Variants in FSTL5 observed in about 807,000 individuals in gnomAD.
FSTL5 encodes the protein follistatin-related protein 5.
In FSTL5, 62 loss-of-function variants were observed where a neutral mutation model predicts 89.1. That is an observed-to-expected ratio of 0.70 (90% CI 0.57 to 0.86). The LOEUF (loss-of-function observed/expected upper bound fraction) is 0.86. FSTL5 is among the 40% of genes least tolerant of loss of function. The pLI is 0.00. For synonymous variants in FSTL5, 383 were observed against 346.2 expected, an observed-to-expected ratio of 1.11 and a Z score of -1.18; for missense variants, 1,057 against 1,001.6, an observed-to-expected ratio of 1.06 and a Z score of -0.75.
intron 4 of FSTL5, among the ~76,000 whole-genome samples, chr4:161,784,761 G>A (rs1160089691): frequency 5.9e-5 from 9 of 151,644 alleles, no homozygotes; most frequent in African/African-American, 2.2e-4. Flanking sequence ...GGACGTGGTG[G>A]CGGGCGCCTG....
chr4:162,080,568 A>G (rs939450654), intron 2 of FSTL5, among the ~76,000 whole-genome samples: 6 of 151,814 alleles, frequency 4.0e-5, no homozygotes, highest in Middle Eastern at 3.4e-3. Context: ...ATTTATACAT[A>G]TACCATAGAT....
At chr4:161,929,681 G>GTGTGTGTGTGTGTGTGTGTGTGTATA (rs1553983439) in intron 3 of FSTL5, among the ~76,000 whole-genome samples, 20 of 115,524 alleles carry the variant, frequency 1.7e-4, no homozygotes, top group African/African-American at 6.5e-4. Flanking sequence ...GTGTGTGTGT[G>GTGTGTGTGTGTGTGTGTGTGTGTATA]TGTGTGTGTG....
At chr4:162,023,849 G>A (rs540142442) in intron 3 of FSTL5, among the ~76,000 whole-genome samples, 1 of 152,156 alleles carries the variant, frequency 6.6e-6, no homozygotes, top group African/African-American at 2.4e-5. Context: ...CTGGCCTCTG[G>A]CTTCAGAGCC....
At chr4:161,669,582 A>T (rs1235727264) in intron 6 of FSTL5, among the ~76,000 whole-genome samples, 1 of 152,108 alleles carries the variant, frequency 6.6e-6, no homozygotes, top group East Asian at 1.9e-4. Context: ...ACAAATGGAC[A>T]TTCACATTTA....
intron 4 of FSTL5, among the ~76,000 whole-genome samples, chr4:161,881,655 CAAG>C (rs955832260): frequency 5.9e-5 from 9 of 152,064 alleles, no homozygotes; most frequent in African/African-American, 2.2e-4. Flanking sequence ...CTACTAATAA[CAAG>C]AAGGACTTAG....
intron 13 of FSTL5, among the ~76,000 whole-genome samples, chr4:161,479,913 T>A (rs1175330310): frequency 6.6e-6 from 1 of 152,164 alleles, no homozygotes; most frequent in African/African-American, 2.4e-5. Context: ...AAGTACAGAA[T>A]ATATGGATGA....
chr4:161,531,110 T>C (rs1731397841), intron 10 of FSTL5, among the ~76,000 whole-genome samples: 1 of 152,212 alleles, frequency 6.6e-6, no homozygotes, highest in South Asian at 2.1e-4. Flanking sequence ...ATCTCTAATG[T>C]AACTGTAGAG....
chr4:162,095,393 A>T (rs2111368327), intron 2 of FSTL5, among the ~76,000 whole-genome samples: 1 of 152,236 alleles, frequency 6.6e-6, no homozygotes, highest in African/African-American at 2.4e-5. Flanking sequence ...TGCATTGTGG[A>T]TTTCCACAGA....
chr4:161,992,930 G>GTA (rs1553989543), intron 3 of FSTL5, among the ~76,000 whole-genome samples: 3 of 8,034 alleles, frequency 3.7e-4, no homozygotes, highest in Non-Finnish European at 7.9e-4. Flanking sequence ...ATATATGTGT[G>GTA]TATATATATA....
chr4:162,065,698 C>A (rs916166151), intron 2 of FSTL5, among the ~76,000 whole-genome samples: 7 of 151,834 alleles, frequency 4.6e-5, no homozygotes, highest in African/African-American at 9.7e-5. Flanking sequence ...AATCCAGCAA[C>A]TCTACTTCTC....
At chr4:161,627,418 C>T (rs992739262) in intron 7 of FSTL5, among the ~76,000 whole-genome samples, 1 of 152,114 alleles carries the variant, frequency 6.6e-6, no homozygotes, top group Non-Finnish European at 1.5e-5. Context: ...ACTTAATACA[C>T]TTAATAGAAT....
chr4:161,682,575 G>C (rs548406814), intron 6 of FSTL5, among the ~76,000 whole-genome samples: 1 of 149,958 alleles, frequency 6.7e-6, no homozygotes, highest in African/African-American at 2.5e-5. Flanking sequence ...CATTAGCCTT[G>C]GTCTACATAG....
chr4:161,699,222 C>T (rs1330298450), intron 6 of FSTL5, among the ~76,000 whole-genome samples: 2 of 151,966 alleles, frequency 1.3e-5, no homozygotes, highest in East Asian at 1.9e-4. Flanking sequence ...TCATAAAAAC[C>T]AAAAGTGTTA....
At chr4:161,978,290 T>A (rs1735721200) in intron 3 of FSTL5, among the ~76,000 whole-genome samples, 1 of 152,176 alleles carries the variant, frequency 6.6e-6, no homozygotes, top group Admixed American at 6.5e-5. Context: ...TATAAGGTAT[T>A]GATGTTTTCT....
chr4:162,069,523 T>C (rs1435324703), intron 2 of FSTL5, among the ~76,000 whole-genome samples: 1 of 151,908 alleles, frequency 6.6e-6, no homozygotes, highest in Non-Finnish European at 1.5e-5. Context: ...GTTTGTTAAC[T>C]AAACTCTCCT....
chr4:161,751,104 A>G (rs547282031), intron 6 of FSTL5, among the ~76,000 whole-genome samples: 5 of 152,264 alleles, frequency 3.3e-5, no homozygotes, highest in African/African-American at 9.6e-5. Context: ...GCCAGATACT[A>G]TAGGTGAAAA....
chr4:161,587,296 GT>G (rs373497576), intron 8 of FSTL5, among the ~76,000 whole-genome samples, 158 bp downstream of exon 8: 1,621 of 142,098 alleles, frequency 0.011, 24 homozygotes, highest in South Asian at 0.041. Context: ...GAAATTTTGT[GT>G]TTTTTTTTTT....
chr4:162,012,351 C>A (rs927655146), intron 3 of FSTL5, among the ~76,000 whole-genome samples: 1 of 152,026 alleles, frequency 6.6e-6, no homozygotes, highest in Non-Finnish European at 1.5e-5. Context: ...ATCATTATTC[C>A]AACTGTTCAG....
chr4:161,656,568 A>C, intron 6 of FSTL5, 74 bp from the exon 7 acceptor site: 1 of 874,784 alleles, frequency 1.1e-6, no homozygotes, highest in South Asian at 3.9e-5. Flanking sequence ...ATTTCTGAAT[A>C]CTAGTAATTA....
Sources: allele counts gnomAD v4.1 joint callset (sites outside exome capture counted in the v4.1 genomes callset), GRCh38; gene constraint gnomAD v4.1.1; transcripts MANE v1.5; gene names NCBI Gene and HGNC (gene_info 2026-07-23, HGNC 2026-07-21).